GTF2E1: variants seen among roughly 807,000 people sequenced by gnomAD.
The protein encoded by GTF2E1 is general transcription factor IIE subunit 1.
GTF2E1 carries 14 observed loss-of-function variants against 34.9 expected under a neutral mutation model. The observed-to-expected ratio is 0.40, with a 90% CI of 0.27 to 0.63. The LOEUF (loss-of-function observed/expected upper bound fraction) is 0.63. GTF2E1 is among the 20% of genes least tolerant of loss of function. The pLI is 0.39. For synonymous variants in GTF2E1, 188 were observed against 192.9 expected, an observed-to-expected ratio of 0.97 and a Z score of 0.21; for missense variants, 469 against 557.7, an observed-to-expected ratio of 0.84 and a Z score of 1.60.
At chr3:120,749,304 G>C (rs1576355541) in intron 1 of GTF2E1, among the ~76,000 whole-genome samples, 1 of 152,158 alleles carries the variant, frequency 6.6e-6, no homozygotes, top group African/African-American at 2.4e-5. Flanking sequence ...AATAGGAGTG[G>C]TAAGAGAGGG....
chr3:120,770,766 GAGGATGAATCAGCAATGCCCAAAAA>G lies in GTF2E1; in HGVS notation c.490_514del (p.Asp164MetfsTer26). The G allele has an allele frequency of 1.2e-6, 2 of 1,613,626 alleles. No individual in the cohort carries two copies. Among genetic ancestry groups the G allele is most frequent in the Non-Finnish European group, 1.7e-6 (2 of 1,179,610 alleles). ...TACTTTTTGCCATACAGAGGTAGAA[GAGGATGAATCAGCAATGCCCAAAAA>G]AGATGCACGCACACTTTTGGCAAGG... On this transcript the variant is annotated frameshift_variant, in exon 3 of 5. Coordinates refer to ENST00000283875, the MANE Select transcript of GTF2E1 (RefSeq NM_005513.3). LOFTEE classifies it high-confidence loss of function.
intron 1 of GTF2E1, among the ~76,000 whole-genome samples, chr3:120,745,581 C>G (rs1041520218): frequency 6.6e-6 from 1 of 152,116 alleles, no homozygotes; most frequent in African/African-American, 2.4e-5. Flanking sequence ...AAAACGTTCC[C>G]TAGATGATTC....
chr3:120,778,458 A>C (rs1312054847), intron 4 of GTF2E1, among the ~76,000 whole-genome samples: 1 of 152,186 alleles, frequency 6.6e-6, no homozygotes, highest in Admixed American at 6.5e-5. Flanking sequence ...ATCTTTCACA[A>C]TTGTATCGAC....
chr3:120,766,393 G>A (rs1045980572), intron 2 of GTF2E1, among the ~76,000 whole-genome samples: 2 of 152,106 alleles, frequency 1.3e-5, no homozygotes, highest in Non-Finnish European at 2.9e-5. Flanking sequence ...TATTACTAAA[G>A]AATAAAGTCA....
Position 120,753,160 on chromosome 3 carries a change from T to C in GTF2E1, c.448+2160T>C, listed in dbSNP as rs572545112. 2.0e-5 allele frequency among the ~76,000 whole-genome samples: 3 copies of C among 152,258 alleles called. No homozygotes were observed. The East Asian group carries it at 5.8e-4, about 29-fold the overall frequency. On this transcript the variant is annotated intron_variant, in intron 2 of 4. Coordinates refer to ENST00000283875, the MANE Select transcript of GTF2E1 (RefSeq NM_005513.3). ...ACTATTAATACCCAACAACTTCCTT[T>C]GGTCTGTACATTCCTTTTAGAAATC...
At chr3:120,775,230 A>G (rs1404990127) in intron 3 of GTF2E1, among the ~76,000 whole-genome samples, 1 of 152,186 alleles carries the variant, frequency 6.6e-6, no homozygotes, top group African/African-American at 2.4e-5. Flanking sequence ...AAGACTAATG[A>G]AGTATTTATT....
chr3:120,774,730 G>A (rs1165534684), intron 3 of GTF2E1, among the ~76,000 whole-genome samples: 3 of 152,120 alleles, frequency 2.0e-5, no homozygotes, highest in African/African-American at 7.2e-5. Flanking sequence ...GTAGAAAGTA[G>A]GAGCAGTGAG....
chr3:120,762,052 A>G (rs1709269061), intron 2 of GTF2E1, among the ~76,000 whole-genome samples: 1 of 152,120 alleles, frequency 6.6e-6, no homozygotes, highest in African/African-American at 2.4e-5. Context: ...GACCTCCCAA[A>G]GTGCTGGGAT....
Position 120,781,615 on chromosome 3 carries a change from T to G in GTF2E1, c.*145T>G. 1.5e-6 allele frequency: 1 copy of G among 658,816 alleles called. No individual in the cohort carries two copies. Among genetic ancestry groups the G allele is most frequent in the South Asian group, 2.0e-5 (1 of 49,328 alleles). The allele number at this position is 658,816 out of a possible 1,614,324, so 40.8% of individuals were successfully genotyped here. On this transcript the variant is annotated 3_prime_UTR_variant, in exon 5 of 5. Transcript: ENST00000283875. ...GTGCAAAGATTGATGGTAGAGAGTT[T>G]GACTTTTATGCCAGAAACTTTCCCA...
chr3:120,753,185 C>G (rs925789122), intron 2 of GTF2E1, among the ~76,000 whole-genome samples: 3 of 151,486 alleles, frequency 2.0e-5, no homozygotes, highest in Non-Finnish European at 2.9e-5. Context: ...TTTTAGAAAT[C>G]TTTGTGTTTT....
intron 2 of GTF2E1, among the ~76,000 whole-genome samples, chr3:120,764,991 G>GTT (rs111594276): frequency 4.9e-4 from 71 of 143,462 alleles, no homozygotes; most frequent in African/African-American, 1.3e-3. Context: ...GAGCATTACT[G>GTT]TTTTTTTTTT....
intron 2 of GTF2E1, among the ~76,000 whole-genome samples, chr3:120,754,209 C>G (rs1709189600): frequency 6.6e-6 from 1 of 152,068 alleles, no homozygotes; most frequent in Non-Finnish European, 1.5e-5. Flanking sequence ...GATCTTAGCT[C>G]TTTTTAGATG....
chr3:120,768,038 A>G (rs1197303456), intron 2 of GTF2E1, among the ~76,000 whole-genome samples: 1 of 152,190 alleles, frequency 6.6e-6, no homozygotes, highest in Non-Finnish European at 1.5e-5. Flanking sequence ...AGTTTGGAGT[A>G]CATATTGTCT....
chr3:120,781,677 T>A lies in GTF2E1; in HGVS notation c.*207T>A. 1 of 575,114 alleles carries A rather than the reference T, an allele frequency of 1.7e-6. No individual in the cohort carries two copies. The highest frequency in any genetic ancestry group is 3.1e-6 in the Non-Finnish European group (1 of 322,796). The allele number at this position is 575,114 out of a possible 1,614,324, so 35.6% of individuals were successfully genotyped here. A position where few individuals can be genotyped will look rare whatever the true frequency, so the allele number is the denominator to read the frequency against. ...TGCTGAGAATCCTACCCTTCCTTGC[T>A]GTCACTACAGTATTAATATTTTACT... On this transcript the variant is annotated 3_prime_UTR_variant, in exon 5 of 5. Transcript: ENST00000283875.
At chr3:120,765,606 A>G (rs970476125) in intron 2 of GTF2E1, among the ~76,000 whole-genome samples, 49 of 152,196 alleles carry the variant, frequency 3.2e-4, no homozygotes, top group African/African-American at 1.1e-3. Flanking sequence ...AAAGATTTGT[A>G]TTTGAATCCA....
At chr3:120,752,358 G>A (rs79450711) in intron 2 of GTF2E1, among the ~76,000 whole-genome samples, 1 of 152,150 alleles carries the variant, frequency 6.6e-6, no homozygotes, top group East Asian at 1.9e-4. Context: ...CACTCTAACA[G>A]ATTTCTTACA....
rs969146688 is a variant in GTF2E1 at position 120,781,468 on chromosome 3, T to G, written c.1318T>G (p.Ter440GlyextTer10). Reference sequence around the variant, plus strand: ...ACGCATGTTTGAGGACCTCTTTGAGTGAGCTTTCCCTAATTCTTTCTCCTT... The same window carrying G: ...ACGCATGTTTGAGGACCTCTTTGAGGGAGCTTTCCCTAATTCTTTCTCCTT... ...GQRMFEDLFE[*>G] Residue 440 changes from the stop codon to glycine, a stop_lost, in exon 5 of 5, where the codon TGA becomes GGA. Transcript: ENST00000283875. The G allele has an allele frequency of 4.4e-6, 7 of 1,607,376 alleles. No individual in the cohort carries two copies. The highest frequency in any genetic ancestry group is 6.0e-6 in the Non-Finnish European group (7 of 1,174,258).
chr3:120,761,881 C>G (rs1407153323), intron 2 of GTF2E1, among the ~76,000 whole-genome samples: 1 of 151,026 alleles, frequency 6.6e-6, no homozygotes, highest in African/African-American at 2.4e-5. Flanking sequence ...AACTCTGCCT[C>G]CCGGGTTCAT....
intron 4 of GTF2E1, among the ~76,000 whole-genome samples, chr3:120,780,251 G>A (rs1709435497): frequency 6.6e-6 from 1 of 152,128 alleles, no homozygotes; most frequent in Non-Finnish European, 1.5e-5. Context: ...TGGAAAGGGG[G>A]TGACAAAGAC....
Sources: gnomAD v4.1 joint callset for allele counts (sites outside exome capture counted in the v4.1 genomes callset) on GRCh38, gnomAD v4.1.1 for gene constraint, MANE v1.5 for transcripts, NCBI Gene and HGNC (gene_info 2026-07-23, HGNC 2026-07-21) for gene names.